STK24: variants seen among roughly 807,000 people sequenced by gnomAD.
STK24 encodes serine/threonine kinase 24.
In STK24, 21 loss-of-function variants were observed where a neutral mutation model predicts 55.6. The ratio of observed to expected loss-of-function variants is 0.38; its 90% CI spans 0.27 to 0.54. The LOEUF (loss-of-function observed/expected upper bound fraction) is 0.54, where lower values mean the gene tolerates loss of function less well. Among genes scored for constraint, STK24 ranks in the 20% least tolerant of loss-of-function variants. The pLI is 0.79. For synonymous variants in STK24, 200 were observed against 215.2 expected (o/e 0.93, Z 0.62); for missense variants, 383 against 538.4 (o/e 0.71, Z 2.86).
intron 1 of STK24, among the ~76,000 whole-genome samples, chr13:98,571,223 A>C (rs1897731474): frequency 6.6e-6 from 1 of 152,196 alleles, no homozygotes; most frequent in East Asian, 1.9e-4. Flanking sequence ...GTAACTGCTC[A>C]CCCTGCATCT....
At chr13:98,515,330 G>C (rs971013132) in intron 2 of STK24, among the ~76,000 whole-genome samples, 2 of 151,920 alleles carry the variant, frequency 1.3e-5, no homozygotes, top group African/African-American at 4.8e-5. Context: ...TTTTGACTTC[G>C]TGGATGGTAC....
chr13:98,492,313 G>A (rs1417678792), intron 2 of STK24, among the ~76,000 whole-genome samples: 1 of 152,140 alleles, frequency 6.6e-6, no homozygotes, highest in African/African-American at 2.4e-5. Flanking sequence ...AAGTGGGAGG[G>A]TGCAGTTCTA....
intron 1 of STK24, among the ~76,000 whole-genome samples, chr13:98,573,319 T>A (rs749480666): frequency 6.6e-6 from 1 of 152,232 alleles, no homozygotes; most frequent in Non-Finnish European, 1.5e-5. Context: ...TCAAAGCCGA[T>A]TGGTGTTCCT....
chr13:98,457,130 C>G (rs772555709), intron 10 of STK24, 38 bp downstream of exon 10: 1 of 1,596,674 alleles, frequency 6.3e-7, no homozygotes, highest in Non-Finnish European at 8.5e-7. Flanking sequence ...AAGTGCAGGT[C>G]TCTCCTTCCC....
chr13:98,517,810 G>A (rs1896120587), intron 2 of STK24, among the ~76,000 whole-genome samples: 1 of 152,080 alleles, frequency 6.6e-6, no homozygotes, highest in African/African-American at 2.4e-5. Context: ...TGACCTCAAT[G>A]GATACCTTAA....
intron 2 of STK24, among the ~76,000 whole-genome samples, chr13:98,511,228 G>A (rs1470672772): frequency 1.3e-5 from 2 of 152,190 alleles, no homozygotes; most frequent in Non-Finnish European, 2.9e-5. Flanking sequence ...GAGTACTGAC[G>A]GGAAATAGTA....
chr13:98,521,514 AT>A (rs1328928561), intron 1 of STK24, among the ~76,000 whole-genome samples: 2 of 151,860 alleles, frequency 1.3e-5, no homozygotes, highest in Non-Finnish European at 2.9e-5. Flanking sequence ...TCCTCTTCCT[AT>A]TTTCAAGCTT....
At chr13:98,477,343 T>G (rs1163938353) in intron 3 of STK24, among the ~76,000 whole-genome samples, 3 of 152,186 alleles carry the variant, frequency 2.0e-5, no homozygotes, top group Admixed American at 2.0e-4. Context: ...TTCATAATGC[T>G]GGAGTGCAGG....
rs1200288509 is a variant in STK24, at chr13:98,449,716, A to T, written c.*3457T>A. The T allele has an allele frequency of 6.6e-6, 1 of 152,514 alleles. No homozygotes were observed. Among genetic ancestry groups the T allele is most frequent in the African/African-American group, 2.4e-5 (1 of 41,382 alleles). The allele number at this position is 152,514 out of a possible 1,614,324, so 9.4% of individuals were successfully genotyped here. ...GACGGTTTCCAGTACTAACAAAGGG[A>T]ATAAAAATACCTCACGCCACAATCC... On this transcript the variant is annotated 3_prime_UTR_variant, in exon 11 of 11. Transcript: ENST00000539966.
At chr13:98,551,777 T>C (rs1897166316) in intron 1 of STK24, among the ~76,000 whole-genome samples, 1 of 152,184 alleles carries the variant, frequency 6.6e-6, no homozygotes, top group South Asian at 2.1e-4. Flanking sequence ...TGTGAGTTCA[T>C]TAAGGACAGC....
At chr13:98,503,282 G>C (rs555869051) in intron 2 of STK24, among the ~76,000 whole-genome samples, 22 of 152,254 alleles carry the variant, frequency 1.4e-4, no homozygotes, top group African/African-American at 5.3e-4. Context: ...CTAAGAATGT[G>C]CCTGCCGCTC....
At chr13:98,457,132 C>T (rs1326053522) in intron 10 of STK24, 36 bp downstream of exon 10, 1 of 1,599,062 alleles carries the variant, frequency 6.3e-7, no homozygotes, top group African/African-American at 1.3e-5. Context: ...GTGCAGGTCT[C>T]TCCTTCCCCA....
At chr13:98,526,503 A>C (rs1371218902) in intron 1 of STK24, among the ~76,000 whole-genome samples, 1 of 152,212 alleles carries the variant, frequency 6.6e-6, no homozygotes, top group Non-Finnish European at 1.5e-5. Context: ...CCTTGGTCCC[A>C]GAGCTGGCAG....
intron 1 of STK24, among the ~76,000 whole-genome samples, chr13:98,534,905 C>G (rs1041776064): frequency 5.3e-5 from 8 of 152,214 alleles, no homozygotes; most frequent in Non-Finnish European, 1.5e-5. Flanking sequence ...ATAGCCAGCA[C>G]TATGTGAATT....
intron 9 of STK24, 125 bp from the exon 10 acceptor site, chr13:98,457,429 A>G (rs944260408): frequency 4.2e-6 from 6 of 1,417,080 alleles, no homozygotes; most frequent in African/African-American, 1.4e-5. Context: ...GTGTCCGGGA[A>G]AAGCTTTGGC....
intron 5 of STK24, among the ~76,000 whole-genome samples, chr13:98,471,150 G>T (rs748531459): frequency 5.9e-5 from 9 of 152,220 alleles, no homozygotes; most frequent in Non-Finnish European, 1.2e-4. Flanking sequence ...GTAGGCAGGA[G>T]CAGGGAGTCC....
At chr13:98,477,316 C>T (rs1479512424) in intron 3 of STK24, among the ~76,000 whole-genome samples, 7 of 152,110 alleles carry the variant, frequency 4.6e-5, no homozygotes, top group East Asian at 1.9e-4. Flanking sequence ...ATAGAGATGC[C>T]GGAGTGTTTG....
intron 5 of STK24, among the ~76,000 whole-genome samples, chr13:98,472,784 T>C (rs188103840): frequency 1.9e-4 from 29 of 152,386 alleles, no homozygotes; most frequent in Non-Finnish European, 1.3e-4. Context: ...CACATCATTC[T>C]TGACCTTGGG....
chr13:98,554,443 G>GT (rs1441669163), intron 1 of STK24, among the ~76,000 whole-genome samples: 1 of 152,128 alleles, frequency 6.6e-6, no homozygotes, highest in African/African-American at 2.4e-5. Flanking sequence ...AGACCTCCAG[G>GT]TTATCTAAAA....
Sources: allele counts gnomAD v4.1 joint callset (sites outside exome capture counted in the v4.1 genomes callset), GRCh38; gene constraint gnomAD v4.1.1; transcripts MANE v1.5; gene names NCBI Gene and HGNC (gene_info 2026-07-23, HGNC 2026-07-21).